The following SLIT3 variants were observed in gnomAD, a reference collection of about 807,000 sequenced individuals.
The protein encoded by SLIT3 is slit guidance ligand 3.
SLIT3 carries 68 observed loss-of-function variants against 184.0 expected under a neutral mutation model. The observed-to-expected ratio is 0.37, with a 90% CI of 0.30 to 0.45. SLIT3 has a LOEUF of 0.45. SLIT3 is among the 20% of genes least tolerant of loss of function. The pLI is 1.00. For synonymous variants in SLIT3, 831 were observed against 828.6 expected, an observed-to-expected ratio of 1.00 and a Z score of -0.05; for missense variants, 1,707 against 2,026.0, an observed-to-expected ratio of 0.84 and a Z score of 3.02.
chr5:169,300,445 T>G lies in SLIT3; in HGVS notation c.197+68A>C, dbSNP rs1041933044. The G allele has an allele frequency of 6.5e-6, 9 of 1,383,818 alleles. No individual in the cohort carries two copies. The highest frequency in any genetic ancestry group is 4.6e-5 in the African/African-American group (3 of 65,870). The allele number at this position is 1,383,818 out of a possible 1,614,324, so 85.7% of individuals were successfully genotyped here. A position where few individuals can be genotyped will look rare whatever the true frequency, so the allele number is the denominator to read the frequency against. On this transcript the variant is annotated intron_variant, in intron 1 of 35. Transcript: ENST00000519560. This position sits in a 1 kb window ranked among gnomAD's most constrained non-coding sequence, Gnocchi z 4.1. ...GGAGGCCGAGGGGAAAGGACGGATC[T>G]GGCGCCTGGGGCCCCCTCGGTGGGA...
At chr5:168,667,387 A>G (rs1264759542) in intron 35 of SLIT3, among the ~76,000 whole-genome samples, 1 of 152,264 alleles carries the variant, frequency 6.6e-6, no homozygotes, top group Non-Finnish European at 1.5e-5. Context: ...TTTGTATTCA[A>G]AAGGCATTTG....
At chr5:169,068,786 C>T (rs1758441606) in intron 4 of SLIT3, among the ~76,000 whole-genome samples, 2 of 151,764 alleles carry the variant, frequency 1.3e-5, no homozygotes, top group African/African-American at 4.8e-5. Flanking sequence ...GCCACAGTGC[C>T]TTTATCATAC....
chr5:169,225,632 C>T (rs112464535), intron 3 of SLIT3, among the ~76,000 whole-genome samples: 103 of 152,232 alleles, frequency 6.8e-4, no homozygotes, highest in African/African-American at 2.4e-3. Flanking sequence ...GGGCCACGCC[C>T]GAGGGGCAGG....
intron 4 of SLIT3, among the ~76,000 whole-genome samples, chr5:168,971,941 G>A (rs1019736238): frequency 2.6e-5 from 4 of 152,146 alleles, no homozygotes; most frequent in African/African-American, 9.7e-5. Context: ...TTATAGTTAG[G>A]GAAATAGGGA....
intron 4 of SLIT3, among the ~76,000 whole-genome samples, chr5:169,080,615 CCTT>C (rs1250674362): frequency 4.6e-5 from 7 of 151,988 alleles, no homozygotes; most frequent in Non-Finnish European, 1.0e-4. Flanking sequence ...TGGGTCTCCT[CCTT>C]AACACCTCTG....
chr5:169,019,543 C>A (rs1296829207), intron 4 of SLIT3, among the ~76,000 whole-genome samples: 1 of 152,178 alleles, frequency 6.6e-6, no homozygotes, highest in African/African-American at 2.4e-5. Context: ...TTATTTCTCA[C>A]ATATTCCATA....
intron 10 of SLIT3, among the ~76,000 whole-genome samples, chr5:168,794,177 G>T (rs1396764466): frequency 6.6e-6 from 1 of 152,182 alleles, no homozygotes; most frequent in African/African-American, 2.4e-5. Context: ...AGCCTCGTGT[G>T]GAAGGAAGAA....
chr5:168,697,566 G>C (rs1762099823), intron 27 of SLIT3, among the ~76,000 whole-genome samples: 2 of 152,272 alleles, frequency 1.3e-5, no homozygotes, highest in African/African-American at 4.8e-5. Flanking sequence ...TGGAATTTCA[G>C]GTTTCAGAGA....
chr5:168,761,998 T>C (rs1462159056), intron 15 of SLIT3, among the ~76,000 whole-genome samples: 2 of 149,338 alleles, frequency 1.3e-5, no homozygotes, highest in African/African-American at 5.0e-5. Flanking sequence ...ACTGAACTCC[T>C]GGCCTCAAGT....
intron 32 of SLIT3, among the ~76,000 whole-genome samples, chr5:168,682,360 A>G (rs1003784557): frequency 1.3e-5 from 2 of 152,184 alleles, no homozygotes; most frequent in Non-Finnish European, 2.9e-5. Context: ...TTCTGCAGGA[A>G]GTTTTCCTTT....
intron 6 of SLIT3, among the ~76,000 whole-genome samples, chr5:168,825,097 G>C (rs1358160525): frequency 6.6e-6 from 1 of 152,164 alleles, no homozygotes; most frequent in Non-Finnish European, 1.5e-5. Context: ...GGAGGAAACA[G>C]GTAATGGTAC....
At chr5:169,119,755 C>T (rs748827430) in intron 4 of SLIT3, 22 of 152,168 alleles carry the variant, frequency 1.4e-4, no homozygotes, top group Admixed American at 5.2e-4. Flanking sequence ...ATCTTAACAT[C>T]TTTCTAAAGA....
intron 4 of SLIT3, chr5:169,120,207 T>C (rs575633396): frequency 6.6e-6 from 1 of 152,234 alleles, no homozygotes; most frequent in African/African-American, 2.4e-5. Flanking sequence ...AGTTGCAGGG[T>C]GATGGTGCAA....
At chr5:168,731,572 T>A (rs144338021) in intron 20 of SLIT3, among the ~76,000 whole-genome samples, 1 of 151,812 alleles carries the variant, frequency 6.6e-6, no homozygotes, top group Non-Finnish European at 1.5e-5. Flanking sequence ...TACTAGCAAA[T>A]TGAATCCAAG....
chr5:169,006,605 T>TCTCTCTCTCTCTCA (rs899753279), intron 4 of SLIT3, among the ~76,000 whole-genome samples: 11 of 145,878 alleles, frequency 7.5e-5, no homozygotes, highest in Admixed American at 2.1e-4. Flanking sequence ...TCTCTCTCTC[T>TCTCTCTCTCTCTCA]CACACACACA....
intron 29 of SLIT3, among the ~76,000 whole-genome samples, chr5:168,691,126 A>T (rs1761893650): frequency 6.6e-6 from 1 of 152,140 alleles, no homozygotes. Context: ...CTCAGTGTCA[A>T]ATCTTCTTCC....
At chr5:168,795,670 G>A (rs1756541490) in intron 9 of SLIT3, 92 bp from the exon 10 acceptor site, 5 of 1,052,032 alleles carry the variant, frequency 4.8e-6, no homozygotes, top group African/African-American at 1.6e-5. Context: ...TTAAGGACAG[G>A]GAGGTCTTTT....
intron 3 of SLIT3, among the ~76,000 whole-genome samples, chr5:169,229,124 T>C (rs1304948042): frequency 1.3e-5 from 2 of 152,138 alleles, no homozygotes; most frequent in African/African-American, 4.8e-5. Context: ...GACATAAGCA[T>C]TTTGAGATTC....
At chr5:169,077,761 TG>T (rs1368578593) in intron 4 of SLIT3, among the ~76,000 whole-genome samples, 1 of 151,196 alleles carries the variant, frequency 6.6e-6, no homozygotes, top group Admixed American at 6.6e-5. Flanking sequence ...CACGGAGAGA[TG>T]GGTTATCACT....
Sources: gnomAD v4.1 joint callset for allele counts (sites outside exome capture counted in the v4.1 genomes callset) on GRCh38, gnomAD v4.1.1 for gene constraint, Gnocchi (gnomAD v3.1) non-coding constraint, MANE v1.5 for transcripts, NCBI Gene and HGNC (gene_info 2026-07-23, HGNC 2026-07-21) for gene names.